TBX5: variants seen among roughly 807,000 people sequenced by gnomAD.
TBX5 encodes the protein T-box transcription factor TBX5.
In TBX5, 8 loss-of-function variants were observed where a neutral mutation model predicts 51.1. The observed-to-expected ratio is 0.16, with a 90% CI of 0.09 to 0.28. TBX5 has a LOEUF of 0.28. Among genes scored for constraint, TBX5 ranks in the 10% least tolerant of loss-of-function variants. TBX5 has a pLI of 1.00. For missense variants in TBX5, 589 were observed against 671.7 expected (o/e 0.88, Z 1.36); for synonymous variants, 302 against 266.4 (o/e 1.13, Z -1.30).
chr12:114,378,227 A>C (rs1870303128), intron 7 of TBX5, among the ~76,000 whole-genome samples: 1 of 152,188 alleles, frequency 6.6e-6, no homozygotes, highest in South Asian at 2.1e-4. Flanking sequence ...GTCATTGCTC[A>C]TGGTCATTCT....
chr12:114,386,939 C>A (rs1440690695), intron 6 of TBX5, among the ~76,000 whole-genome samples: 2 of 97,886 alleles, frequency 2.0e-5, no homozygotes, highest in Non-Finnish European at 4.7e-5. Flanking sequence ...ACAAAAAATA[C>A]AAAATTTAAA....
At chr12:114,372,020 A>C (rs1253642605) in intron 7 of TBX5, among the ~76,000 whole-genome samples, 1 of 152,180 alleles carries the variant, frequency 6.6e-6, no homozygotes, top group East Asian at 1.9e-4. Flanking sequence ...CAATGTTCTC[A>C]CTTATAAGTG....
intron 7 of TBX5, among the ~76,000 whole-genome samples, chr12:114,379,088 G>A (rs368451898): frequency 6.6e-6 from 1 of 152,174 alleles, no homozygotes; most frequent in Non-Finnish European, 1.5e-5. Context: ...TGGGTCACAG[G>A]AGTGTGCCAA....
chr12:114,387,444 C>A (rs1293154472), intron 6 of TBX5, among the ~76,000 whole-genome samples: 1 of 152,158 alleles, frequency 6.6e-6, no homozygotes, highest in African/African-American at 2.4e-5. Flanking sequence ...TCCAACTATA[C>A]AACACTCTAG....
intron 3 of TBX5, among the ~76,000 whole-genome samples, chr12:114,400,883 C>A (rs903612257): frequency 2.0e-5 from 3 of 152,178 alleles, no homozygotes; most frequent in African/African-American, 7.2e-5. Context: ...AGGGAGGCTT[C>A]GGCTGGAGAA....
At chr12:114,369,504 G>T (rs1869735885) in intron 7 of TBX5, among the ~76,000 whole-genome samples, 1 of 152,218 alleles carries the variant, frequency 6.6e-6, no homozygotes, top group African/African-American at 2.4e-5. Flanking sequence ...ATATGGGCAT[G>T]GAATGGGGAA....
Position 114,355,017 on chromosome 12 carries a change from T to C in TBX5, c.*515A>G, listed in dbSNP as rs1324074704. On this transcript the variant is annotated 3_prime_UTR_variant, in exon 9 of 9. Transcript: ENST00000405440. ...GTTTACTTGAAGGGAATCCCGCAAGTACATATTTTGAAATATACTTGCCTC... is the reference window on the plus strand; with the variant it reads ...GTTTACTTGAAGGGAATCCCGCAAGCACATATTTTGAAATATACTTGCCTC... 6.1e-6 allele frequency: 1 copy of C among 165,270 alleles called. No homozygotes were observed. Among genetic ancestry groups the C allele is most frequent in the East Asian group, 1.7e-4 (1 of 5,858 alleles). The allele number at this position is 165,270 out of a possible 1,614,324, so 10.2% of individuals were successfully genotyped here.
In TBX5 at chr12:114,355,889, C is replaced by T. The variant is rs751588696; in HGVS notation, c.1200G>A (p.Thr400=). 4.3e-6 allele frequency: 7 copies of T among 1,613,624 alleles called. No homozygotes were observed. Among genetic ancestry groups the T allele is most frequent in the African/African-American group, 2.7e-5 (2 of 74,936 alleles). Residue 400 remains threonine, a synonymous_variant, in exon 9 of 9, where the codon ACG becomes ACA. Transcript: ENST00000405440. ...TGCTGTAGGAAGGCATGCTTGGCCA[C>T]GTGTTGCAGCTGATGTCCTCTAGGC... ...VPSLEDISCN[T]WPSMPSYSSC... is the part of the protein sequence containing the mutation.
At chr12:114,383,437 G>A (rs1870623640) in intron 7 of TBX5, among the ~76,000 whole-genome samples, 1 of 152,270 alleles carries the variant, frequency 6.6e-6, no homozygotes, top group Admixed American at 6.5e-5. Context: ...GACAAACCTA[G>A]GGGGGTGGCC....
chr12:114,389,074 G>A (rs1235613553), intron 6 of TBX5, among the ~76,000 whole-genome samples: 7 of 151,872 alleles, frequency 4.6e-5, no homozygotes, highest in Non-Finnish European at 7.4e-5. Context: ...GATGACAGGT[G>A]CCCACCAACA....
intron 3 of TBX5, among the ~76,000 whole-genome samples, chr12:114,400,141 C>T (rs1234523476): frequency 6.6e-6 from 1 of 152,160 alleles, no homozygotes; most frequent in African/African-American, 2.4e-5. Flanking sequence ...CCAGGCTTCC[C>T]GACCTTGCTT....
intron 3 of TBX5, among the ~76,000 whole-genome samples, chr12:114,400,196 A>C (rs1207759608): frequency 6.6e-6 from 1 of 152,180 alleles, no homozygotes; most frequent in South Asian, 2.1e-4. Context: ...GGTTCCCAGT[A>C]TAACTCGGTT....
At position 114,355,184 on chromosome 12, in the gene TBX5, T is replaced by C. The variant is rs1465597030; in HGVS notation, c.*348A>G. The C allele has an allele frequency of 2.4e-5, 9 of 382,526 alleles. No homozygotes were observed. Among genetic ancestry groups the C allele is most frequent in the Non-Finnish European group, 4.5e-5 (9 of 199,366 alleles). 23.7% of individuals were successfully genotyped at this position (382,526 alleles called of 1,614,324 possible). A position where few individuals can be genotyped will look rare whatever the true frequency, so the allele number is the denominator to read the frequency against. On this transcript the variant is annotated 3_prime_UTR_variant, in exon 9 of 9. Coordinates refer to ENST00000405440, the MANE Select transcript of TBX5 (RefSeq NM_181486.4). ...CTACGCACTAGGGAAAAACACTCAATGAGGCAAGACTTTCTAGAGCCCAAA... is the reference window on the plus strand; with the variant it reads ...CTACGCACTAGGGAAAAACACTCAACGAGGCAAGACTTTCTAGAGCCCAAA...
At position 114,403,828 on chromosome 12, in the gene TBX5, C is replaced by A. The variant is rs772587337; in HGVS notation, c.71G>T (p.Cys24Phe). 2.5e-6 allele frequency: 4 copies of A among 1,614,070 alleles called. No homozygotes were observed. Among genetic ancestry groups the A allele is most frequent in the East Asian group, 4.5e-5 (2 of 44,864 alleles). The change falls in exon 2 of 9, where the codon TGC becomes TTC. Residue 24 changes from cysteine to phenylalanine, a missense_variant. Cys to Phe is a radical substitution (Grantham distance 205). Transcript: ENST00000405440. ...PLEPDAKDLP[C>F]DSKPESALGA... ...GAGCGCGCTCTCGGGTTTCGAATCG[C>A]AGGGCAGGTCTTTTGCGTCAGGCTC...
intron 1 of TBX5, among the ~76,000 whole-genome samples, chr12:114,404,982 C>T (rs1872110258): frequency 6.6e-6 from 1 of 152,208 alleles, no homozygotes. Context: ...CTGTTCAAGC[C>T]CGATGAGCCT....
Position 114,404,173 on chromosome 12 carries a change from C to A in TBX5, c.-38-237G>T, listed in dbSNP as rs143656484. On this transcript the variant is annotated intron_variant, in intron 1 of 8. Coordinates refer to ENST00000405440, the MANE Select transcript of TBX5 (RefSeq NM_181486.4). ...AGCAGGCACAACTTCTTGCAAAAGA[C>A]CCGCGTCAGACCCGGAGAAGGTGAG... 4.2e-3 allele frequency among the ~76,000 whole-genome samples: 637 copies of A among 152,260 alleles called. 4 individuals are homozygous for A. Among genetic ancestry groups the A allele is most frequent in the African/African-American group, 0.014 (601 of 41,544 alleles).
At chr12:114,378,160 A>G (rs908586254) in intron 7 of TBX5, among the ~76,000 whole-genome samples, 1 of 152,168 alleles carries the variant, frequency 6.6e-6, no homozygotes, top group Non-Finnish European at 1.5e-5. Context: ...CCCCCAATCC[A>G]TCATCTACTT....
intron 5 of TBX5, among the ~76,000 whole-genome samples, chr12:114,396,703 C>A (rs1011063517): frequency 6.6e-6 from 1 of 152,142 alleles, no homozygotes; most frequent in Non-Finnish European, 1.5e-5. Flanking sequence ...GGACCCCACC[C>A]AAGGGTCCCA....
rs926566163 is a variant in TBX5, at chr12:114,354,338, T to C, written c.*1194A>G. The C allele has an allele frequency of 2.0e-5, 3 of 152,224 alleles. No homozygotes were observed. The highest frequency in any genetic ancestry group is 2.0e-4 in the Admixed American group (3 of 15,276). 9.4% of individuals were successfully genotyped at this position (152,224 alleles called of 1,614,324 possible). A position where few individuals can be genotyped will look rare whatever the true frequency, so the allele number is the denominator to read the frequency against. On this transcript the variant is annotated 3_prime_UTR_variant, in exon 9 of 9. Transcript: ENST00000405440. ...CCTATTTATAAATAAATAGTACCAG[T>C]AAAATATTACATCTGAAGAACCCTA...
Sources: gnomAD v4.1 joint callset for allele counts (sites outside exome capture counted in the v4.1 genomes callset) on GRCh38, gnomAD v4.1.1 for gene constraint, MANE v1.5 for transcripts, NCBI Gene and HGNC (gene_info 2026-07-23, HGNC 2026-07-21) for gene names.